NR4A3: variants seen among roughly 807,000 people sequenced by gnomAD.
NR4A3 encodes chondrosarcoma, extraskeletal myxoid, fused to EWS.
Under a neutral mutation model 55.6 loss-of-function variants are expected in NR4A3, and 13 were observed. That is an observed-to-expected ratio of 0.23 (90% CI 0.15 to 0.37). The LOEUF is 0.37. NR4A3 is among the 10% of genes least tolerant of loss of function. NR4A3 has a pLI of 1.00. For synonymous variants in NR4A3, 342 were observed against 357.9 expected, an observed-to-expected ratio of 0.96 and a Z score of 0.50; for missense variants, 646 against 822.8, an observed-to-expected ratio of 0.79 and a Z score of 2.63.
At position 99,866,623 on chromosome 9, in the gene NR4A3, G is replaced by T. The variant is rs1802660; in HGVS notation, c.*2756G>T. The stretch of plus-strand genomic sequence containing the variant: ...AGTGGATGACCACACTAGCACAGAA[G>T]AGAACAACATGTATTAAAGCAGGTG... On this transcript the variant is annotated 3_prime_UTR_variant, in exon 8 of 8. Transcript: ENST00000395097. The T allele has an allele frequency of 1.3e-3, 294 of 227,732 alleles. No homozygotes were observed. The highest frequency in any genetic ancestry group is 5.8e-3 in the African/African-American group (262 of 45,142). 14.1% of individuals were successfully genotyped at this position (227,732 alleles called of 1,614,324 possible).
intron 7 of NR4A3, among the ~76,000 whole-genome samples, chr9:99,858,301 ATT>A (rs1827960767): frequency 6.6e-6 from 1 of 152,112 alleles, no homozygotes; most frequent in Non-Finnish European, 1.5e-5. Flanking sequence ...ATATAGCTCT[ATT>A]ATTTCACTCC....
intron 5 of NR4A3, among the ~76,000 whole-genome samples, chr9:99,842,812 G>A (rs1827679115): frequency 6.6e-6 from 1 of 152,114 alleles, no homozygotes; most frequent in Admixed American, 6.5e-5. Flanking sequence ...CACAGGGTCA[G>A]CATAAGTCCT....
At chr9:99,832,559 T>C in intron 3 of NR4A3, 130 bp from the exon 4 acceptor site, 1 of 722,860 alleles carries the variant, frequency 1.4e-6, no homozygotes, top group Non-Finnish European at 2.0e-6. Flanking sequence ...GCTAGCGTTT[T>C]AGGAAATTAA....
chr9:99,848,684 A>G (rs191508838), intron 7 of NR4A3, among the ~76,000 whole-genome samples: 2 of 152,310 alleles, frequency 1.3e-5, no homozygotes, highest in East Asian at 3.9e-4. Flanking sequence ...AAGATATTTG[A>G]TTTATGCCTG....
At chr9:99,833,636 C>T in intron 5 of NR4A3, 182 bp downstream of exon 5, 1 of 1,595,190 alleles carries the variant, frequency 6.3e-7, no homozygotes, top group Non-Finnish European at 8.5e-7. Flanking sequence ...TAATTTTTGC[C>T]TTATTGAATC....
chr9:99,855,872 C>G (rs1032366877), intron 7 of NR4A3, among the ~76,000 whole-genome samples: 1 of 152,210 alleles, frequency 6.6e-6, no homozygotes, highest in South Asian at 2.1e-4. Flanking sequence ...TGCCCTAACA[C>G]CTGCTCAGAA....
intron 7 of NR4A3, among the ~76,000 whole-genome samples, chr9:99,850,281 G>A (rs1254810077): frequency 6.6e-6 from 1 of 152,300 alleles, no homozygotes; most frequent in East Asian, 1.9e-4. Context: ...ATTAGAGTGA[G>A]AAAGAATCTA....
At position 99,828,874 on chromosome 9, in the gene NR4A3, C is replaced by T; in HGVS notation, c.832C>T (p.Pro278Ser). The change falls in exon 3 of 8, where the codon CCG (proline) becomes TCG (serine). Residue 278 changes from proline (P) to serine (S), a missense_variant. Transcript: ENST00000395097. The surrounding 1 kb of genome is among the most constrained non-coding windows in gnomAD (Gnocchi z 7.7). ...SSLLGESPSL[P>S]SPPSRSSSSG... The stretch of plus-strand genomic sequence containing the variant: ...CCTGCTGGGCGAGAGTCCCAGCCTG[C>T]CGTCGCCGCCCAGCAGGAGCTCGTC... 2 of 1,500,076 alleles carry T rather than the reference C, an allele frequency of 1.3e-6. No individual in the cohort carries two copies. Among genetic ancestry groups the T allele is most frequent in the Admixed American group, 2.1e-5 (1 of 47,874 alleles). 92.9% of individuals were successfully genotyped at this position (1,500,076 alleles called of 1,614,324 possible).
At chr9:99,857,102 A>C (rs1656729028) in intron 7 of NR4A3, among the ~76,000 whole-genome samples, 3 of 152,240 alleles carry the variant, frequency 2.0e-5, no homozygotes, top group South Asian at 4.1e-4. Context: ...AAGATATTGA[A>C]GATCCTCATC....
In NR4A3 at chr9:99,847,504, C is replaced by A. The variant is rs1254970161; in HGVS notation, c.1522C>A (p.Arg508Ser). The change falls in exon 7 of 8, where the codon CGT (arginine) becomes AGT (serine). Residue 508 changes from arginine to serine, a missense_variant. Physicochemically the swap from Arg to Ser is moderately radical, Grantham distance 110 (BLOSUM62 -1). Around this residue, in one of 5 missense-constraint regions of NR4A3, gnomAD observed 163 missense variants for 233.0 expected, o/e 0.70. Transcript: ENST00000395097. Reference protein sequence around the residue: ...GLVLHRLQCLRGFGEWLDSIK... With the variant: ...GLVLHRLQCLSGFGEWLDSIK... ...TGTCCTGCATCGACTTCAGTGCCTT[C>A]GTGGATTTGGGGAGTGGCTCGACTC... 1 of 1,614,182 alleles carries A rather than the reference C, an allele frequency of 6.2e-7. No individual in the cohort carries two copies. Among genetic ancestry groups the A allele is most frequent in the Non-Finnish European group, 8.5e-7 (1 of 1,180,014 alleles).
intron 7 of NR4A3, among the ~76,000 whole-genome samples, chr9:99,858,849 G>A (rs1827968137): frequency 6.6e-6 from 1 of 152,158 alleles, no homozygotes; most frequent in Non-Finnish European, 1.5e-5. Context: ...AAGTAAAAGA[G>A]TGTTGTATAA....
chr9:99,841,737 G>A (rs557061396), intron 5 of NR4A3, among the ~76,000 whole-genome samples: 1 of 122,280 alleles, frequency 8.2e-6, no homozygotes, highest in Admixed American at 8.3e-5. Context: ...CAATATGGGA[G>A]TTCAAGACCT....
At chr9:99,843,056 CTG>C (rs1323815424) in intron 5 of NR4A3, among the ~76,000 whole-genome samples, 1 of 152,210 alleles carries the variant, frequency 6.6e-6, no homozygotes, top group Non-Finnish European at 1.5e-5. Flanking sequence ...TAGTATCTTG[CTG>C]TGTCAGTCTT....
At chr9:99,834,078 G>C in intron 5 of NR4A3, 1 of 1,018,314 alleles carries the variant, frequency 9.8e-7, no homozygotes, top group Non-Finnish European at 1.2e-6. Context: ...CTGAACACCA[G>C]TCACACAAGA....
At chr9:99,826,922 C>G (rs966818193) in intron 2 of NR4A3, 1 of 862,496 alleles carries the variant, frequency 1.2e-6, no homozygotes, top group African/African-American at 1.9e-5. Context: ...GAAAAACCAA[C>G]CACCAAAAAC....
intron 6 of NR4A3, 44 bp downstream of exon 6, chr9:99,844,892 GC>G: frequency 2.1e-6 from 3 of 1,433,380 alleles, no homozygotes; most frequent in Non-Finnish European, 2.9e-6. Context: ...CTTTGAAGAA[GC>G]CTGAAACCTT....
rs531668880 is a variant in NR4A3 at position 99,855,026 on chromosome 9, T to C, written c.1633+7411T>C. Reference sequence around the variant, plus strand: ...TTCCTTGAGCAGTGGTTTGTAGTTCTCCTTGAAGAGGTCCTTCACATCCCT... The same window carrying C: ...TTCCTTGAGCAGTGGTTTGTAGTTCCCCTTGAAGAGGTCCTTCACATCCCT... On this transcript the variant is annotated intron_variant, in intron 7 of 7. Transcript: ENST00000395097. Among the ~76,000 whole-genome samples, 8 of 150,008 alleles carry C rather than the reference T, an allele frequency of 5.3e-5. No individual in the cohort carries two copies. In the South Asian group the frequency reaches 1.7e-3, roughly 32 times the overall value.
chr9:99,836,214 AG>A (rs1330185860), intron 5 of NR4A3, among the ~76,000 whole-genome samples: 1 of 152,098 alleles, frequency 6.6e-6, no homozygotes, highest in Non-Finnish European at 1.5e-5. Context: ...AGGTTGGAAC[AG>A]GAAGGGCTGA....
chr9:99,844,042 A>G (rs1251890949), intron 5 of NR4A3, among the ~76,000 whole-genome samples: 1 of 147,140 alleles, frequency 6.8e-6, no homozygotes, highest in Non-Finnish European at 1.5e-5. Context: ...GTGGAATTAC[A>G]GGCATGAGCC....
Sources: gnomAD v4.1 joint callset for allele counts (sites outside exome capture counted in the v4.1 genomes callset) on GRCh38, gnomAD v4.1.1 for gene constraint, gnomAD v4.1.1 regional missense constraint, Gnocchi (gnomAD v3.1) non-coding constraint, MANE v1.5 for transcripts, NCBI Gene and HGNC (gene_info 2026-07-23, HGNC 2026-07-21) for gene names.